DCDC2: variants seen among roughly 807,000 people sequenced by gnomAD.
DCDC2 encodes the protein doublecortin domain-containing protein 2.
A neutral mutation model predicts 50.2 loss-of-function variants in DCDC2; 40 were observed. The observed-to-expected ratio is 0.80, with a 90% CI of 0.62 to 1.04. DCDC2 has a LOEUF of 1.04. Ranked by LOEUF, DCDC2 falls within the 50% of genes least tolerant of loss-of-function variation. The probability of loss-of-function intolerance (pLI) is 0.00; values close to 1 mark genes in which losing one functional copy is unlikely to be tolerated. For synonymous variants in DCDC2, 234 were observed against 210.6 expected (o/e 1.11, Z -0.96); for missense variants, 570 against 581.9 (o/e 0.98, Z 0.21).
the DCDC2 span, among the ~76,000 whole-genome samples, chr6:24,375,364 C>A: frequency 6.6e-6 from 1 of 152,052 alleles, no homozygotes; most frequent in Non-Finnish European, 1.5e-5. Context: ...GGATGGGCCC[C>A]AGTGTCACAT....
At chr6:24,312,191 G>A (rs1463202168) in intron 2 of DCDC2, among the ~76,000 whole-genome samples, 1 of 134,744 alleles carries the variant, frequency 7.4e-6, no homozygotes, top group African/African-American at 2.9e-5. Context: ...CCCAAATCCT[G>A]TAAAACTGCC....
intron 7 of DCDC2, among the ~76,000 whole-genome samples, chr6:24,257,782 G>C (rs961550177): frequency 2.0e-5 from 3 of 152,100 alleles, no homozygotes; most frequent in Non-Finnish European, 2.9e-5. Flanking sequence ...CTCTGGCAGA[G>C]CTGTGATGTA....
intron 4 of DCDC2, among the ~76,000 whole-genome samples, chr6:24,294,356 A>C (rs12110558): frequency 0.081 from 12,225 of 151,462 alleles, 633 homozygotes; most frequent in African/African-American, 0.16. Context: ...CCCTGTCTCC[A>C]AAAAAAAAGT....
rs992133726 is a variant in DCDC2 at position 24,198,914 on chromosome 6, C to G, written c.1023+6088G>C. ...CGGGGAGCTTCGAACTGGGTGGAGC[C>G]CACTGTAGCTCCTCAAAGCCACTGG... On this transcript the variant is annotated intron_variant, in intron 8 of 9. Coordinates refer to ENST00000378454, the MANE Select transcript of DCDC2 (RefSeq NM_016356.5). 2.0e-5 allele frequency among the ~76,000 whole-genome samples: 3 copies of G among 152,188 alleles called. 1 individual carries two copies. The highest frequency in any genetic ancestry group is 6.5e-5 in the Admixed American group (1 of 15,274).
In DCDC2 at chr6:24,219,644, G is replaced by T. The variant is rs4513785; in HGVS notation, c.923-14542C>A. ...GGCTGTGTGGGTATACGACCTGTGC[G>T]GTCACACAGGGCCCTGCTCTGAAGG... is the stretch of plus-strand genomic sequence containing the variant. On this transcript the variant is annotated intron_variant, in intron 7 of 9. Coordinates refer to ENST00000378454, the MANE Select transcript of DCDC2 (RefSeq NM_016356.5). Among the ~76,000 whole-genome samples the T allele has an allele frequency of 7.2e-5, 11 of 152,322 alleles. No homozygotes were observed. The South Asian group carries it at 2.3e-3, about 32-fold the overall frequency.
intron 7 of DCDC2, among the ~76,000 whole-genome samples, chr6:24,206,154 T>C (rs1761714582): frequency 6.6e-6 from 1 of 152,182 alleles, no homozygotes; most frequent in South Asian, 2.1e-4. Flanking sequence ...ATGTAAAATA[T>C]ATTTTTACAC....
intron 4 of DCDC2, among the ~76,000 whole-genome samples, chr6:24,299,772 A>C (rs1330291167): frequency 1.3e-5 from 2 of 152,030 alleles, no homozygotes; most frequent in Non-Finnish European, 2.9e-5. Flanking sequence ...TTTTTTAATT[A>C]GATGGGCATG....
At chr6:24,369,955 T>C in the DCDC2 span, among the ~76,000 whole-genome samples, 2 of 151,756 alleles carry the variant, frequency 1.3e-5, no homozygotes, top group African/African-American at 4.8e-5. Context: ...GGTGGGAGGA[T>C]CTCTTGAGCA....
At chr6:24,347,646 G>A (rs150436296) in intron 2 of DCDC2, among the ~76,000 whole-genome samples, 1 of 152,208 alleles carries the variant, frequency 6.6e-6, no homozygotes, top group Non-Finnish European at 1.5e-5. Flanking sequence ...AGCGTCCTTG[G>A]ATTTTGGTGT....
upstream of DCDC2, among the ~76,000 whole-genome samples, chr6:24,360,407 G>A (rs887675542): frequency 7.9e-5 from 12 of 152,218 alleles, no homozygotes; most frequent in African/African-American, 2.9e-4. Flanking sequence ...AATTTTGAGT[G>A]CCTACCCTGT....
At position 24,357,976 on chromosome 6, in the gene DCDC2, G is replaced by A. The variant is rs1385007124; in HGVS notation, c.-226C>T. 3 of 1,459,572 alleles carry A rather than the reference G, an allele frequency of 2.1e-6. No homozygotes were observed. Among genetic ancestry groups the A allele is most frequent in the Non-Finnish European group, 2.7e-6 (3 of 1,099,916 alleles). 90.4% of individuals were successfully genotyped at this position (1,459,572 alleles called of 1,614,324 possible). A position where few individuals can be genotyped will look rare whatever the true frequency, so the allele number is the denominator to read the frequency against. On this transcript the variant is annotated 5_prime_UTR_variant, in exon 1 of 10. Transcript: ENST00000378454. ...AGTAGACGCTCAAGTTTTTCACCGT[G>A]GCGTGCACAGCCAATCAGGACCCGC...
At chr6:24,221,821 C>T (rs140410839) in intron 7 of DCDC2, among the ~76,000 whole-genome samples, 1 of 152,316 alleles carries the variant, frequency 6.6e-6, no homozygotes, top group African/African-American at 2.4e-5. Context: ...TTTCTCCCTC[C>T]ATGATGCCTT....
At chr6:24,210,456 C>G (rs1404795433) in intron 7 of DCDC2, among the ~76,000 whole-genome samples, 1 of 152,210 alleles carries the variant, frequency 6.6e-6, no homozygotes, top group Admixed American at 6.5e-5. Context: ...AATGGCACCA[C>G]TTCTCAATCC....
chr6:24,270,020 A>T (rs1763205394), intron 7 of DCDC2, among the ~76,000 whole-genome samples: 1 of 152,086 alleles, frequency 6.6e-6, no homozygotes, highest in Admixed American at 6.5e-5. Context: ...AACAAACAGG[A>T]ACTCCCCAAA....
At position 24,272,889 on chromosome 6, in the gene DCDC2, C is replaced by A. The variant is rs571879301; in HGVS notation, c.922+5160G>T. Among the ~76,000 whole-genome samples, 58 of 152,126 alleles carry A rather than the reference C, an allele frequency of 3.8e-4. 1 individual carries two copies. In the South Asian group the frequency reaches 0.012, roughly 32 times the overall value. ...TATCAAAAGAAAACAAATCATTATA[C>A]CAAAAAGACACCTGCACTTGTATTT... On this transcript the variant is annotated intron_variant, in intron 7 of 9. Coordinates refer to ENST00000378454, the MANE Select transcript of DCDC2 (RefSeq NM_016356.5).
At chr6:24,273,238 C>T (rs1763279375) in intron 7 of DCDC2, among the ~76,000 whole-genome samples, 1 of 152,088 alleles carries the variant, frequency 6.6e-6, no homozygotes, top group African/African-American at 2.4e-5. Flanking sequence ...AATGCGTACA[C>T]ATGAGAGAGG....
intron 7 of DCDC2, among the ~76,000 whole-genome samples, chr6:24,251,266 A>G (rs1762787763): frequency 6.6e-6 from 1 of 152,192 alleles, no homozygotes; most frequent in East Asian, 1.9e-4. Context: ...ATACATGAAG[A>G]ATAGCTTACT....
At chr6:24,275,192 G>C (rs577445712) in intron 7 of DCDC2, among the ~76,000 whole-genome samples, 1 of 152,224 alleles carries the variant, frequency 6.6e-6, no homozygotes, top group East Asian at 1.9e-4. Flanking sequence ...TGACATTAAA[G>C]TAAAAAGCAA....
intron 7 of DCDC2, among the ~76,000 whole-genome samples, chr6:24,259,050 A>G (rs1473721597): frequency 6.6e-6 from 1 of 150,876 alleles, no homozygotes; most frequent in Non-Finnish European, 1.5e-5. Context: ...CATATTATGA[A>G]CTCCTCTCCT....
Sources: allele counts gnomAD v4.1 joint callset (sites outside exome capture counted in the v4.1 genomes callset), GRCh38; gene constraint gnomAD v4.1.1; transcripts MANE v1.5; gene names NCBI Gene and HGNC (gene_info 2026-07-23, HGNC 2026-07-21).